Variants in SPAG9 observed in about 807,000 individuals in gnomAD.
SPAG9 encodes C-Jun-amino-terminal kinase-interacting protein 4.
A neutral mutation model predicts 166.5 loss-of-function variants in SPAG9; 35 were observed. The observed-to-expected ratio is 0.21, with a 90% CI of 0.16 to 0.28. The LOEUF (loss-of-function observed/expected upper bound fraction) is 0.28, where lower values mean the gene tolerates loss of function less well. Ranked by LOEUF, SPAG9 falls within the 10% of genes least tolerant of loss-of-function variation. The pLI, the probability that SPAG9 is intolerant of heterozygous loss-of-function variation, is 1.00. For synonymous variants in SPAG9, 534 were observed against 565.5 expected, an observed-to-expected ratio of 0.94 and a Z score of 0.79; for missense variants, 1,235 against 1,603.3, an observed-to-expected ratio of 0.77 and a Z score of 3.92.
At chr17:51,030,278 A>T (rs2046335672) in intron 6 of SPAG9, among the ~76,000 whole-genome samples, 1 of 152,134 alleles carries the variant, frequency 6.6e-6, no homozygotes, top group Non-Finnish European at 1.5e-5. Context: ...CAACTTACAG[A>T]CACTACATGC....
intron 3 of SPAG9, among the ~76,000 whole-genome samples, chr17:51,048,340 A>T (rs1030824149): frequency 2.1e-4 from 32 of 152,216 alleles, no homozygotes; most frequent in Admixed American, 1.9e-3. Context: ...TGAATAAGAA[A>T]AAAATGAATT....
At chr17:51,018,697 T>C (rs1024493566) in intron 8 of SPAG9, among the ~76,000 whole-genome samples, 1 of 152,058 alleles carries the variant, frequency 6.6e-6, no homozygotes, top group Non-Finnish European at 1.5e-5. Context: ...AATGCAATCT[T>C]GTGAGTAACA....
At chr17:51,076,244 G>A (rs1190442260) in intron 2 of SPAG9, among the ~76,000 whole-genome samples, 2 of 150,044 alleles carry the variant, frequency 1.3e-5, no homozygotes, top group African/African-American at 2.5e-5. Flanking sequence ...GCAACATGGC[G>A]AAACCCTGTC....
At chr17:51,111,423 G>A (rs1430419449) in intron 1 of SPAG9, among the ~76,000 whole-genome samples, 2 of 152,150 alleles carry the variant, frequency 1.3e-5, no homozygotes, top group Non-Finnish European at 2.9e-5. Flanking sequence ...GCAGCATGTA[G>A]TTAAAGGTAA....
intron 6 of SPAG9, among the ~76,000 whole-genome samples, chr17:51,023,964 C>A (rs569030889): frequency 6.6e-6 from 1 of 152,196 alleles, no homozygotes; most frequent in African/African-American, 2.4e-5. Context: ...TTGCGCCCAG[C>A]CGATTTTTCT....
intron 29 of SPAG9, among the ~76,000 whole-genome samples, chr17:50,967,406 C>T (rs1973442412): frequency 1.3e-5 from 2 of 152,072 alleles, no homozygotes; most frequent in South Asian, 4.1e-4. Context: ...AGAGAAAAAA[C>T]CCTAAATATC....
At chr17:51,087,926 G>A (rs1355725585) in intron 1 of SPAG9, among the ~76,000 whole-genome samples, 2 of 151,828 alleles carry the variant, frequency 1.3e-5, no homozygotes, top group Non-Finnish European at 2.9e-5. Context: ...CTTATTTTTA[G>A]TAGAGACAAG....
intron 16 of SPAG9, 147 bp downstream of exon 16, chr17:50,996,418 C>G (rs1025139490): frequency 7.0e-6 from 6 of 859,032 alleles, no homozygotes; most frequent in Non-Finnish European, 1.1e-5. Context: ...GCCTGAAAAC[C>G]ACCACCCTCC....
At position 51,026,971 on chromosome 17, in the gene SPAG9, C is replaced by A. The variant is rs936494277; in HGVS notation, c.783+4710G>T. On this transcript the variant is annotated intron_variant, in intron 6 of 29. Transcript: ENST00000262013. ...GTTTAGAGATGTGAGCCACTGCGCC[C>A]GGCCGGGAAACCATTTTTGAAAGAG... is the stretch of plus-strand genomic sequence containing the variant. Among the ~76,000 whole-genome samples, 3 of 152,050 alleles carry A rather than the reference C, an allele frequency of 2.0e-5. No individual in the cohort carries two copies. The South Asian group carries it at 6.2e-4, about 32-fold the overall frequency.
At chr17:51,112,764 A>AACAT (rs2049155636) in intron 1 of SPAG9, among the ~76,000 whole-genome samples, 1 of 150,756 alleles carries the variant, frequency 6.6e-6, no homozygotes, top group Non-Finnish European at 1.5e-5. Context: ...CAGACTGGGC[A>AACAT]ACATAGTGAG....
chr17:51,037,285 G>A (rs1257794850), intron 5 of SPAG9, among the ~76,000 whole-genome samples: 3 of 151,904 alleles, frequency 2.0e-5, no homozygotes, highest in Non-Finnish European at 4.4e-5. Context: ...TAAATATTTT[G>A]TAGAGACAGA....
At chr17:51,106,997 A>G (rs2048969386) in intron 1 of SPAG9, among the ~76,000 whole-genome samples, 1 of 147,500 alleles carries the variant, frequency 6.8e-6, no homozygotes, top group South Asian at 2.2e-4. Context: ...AGCTACTTGG[A>G]AGGCTGAGGC....
chr17:51,080,226 T>C (rs1271374583), intron 1 of SPAG9, among the ~76,000 whole-genome samples: 1 of 152,098 alleles, frequency 6.6e-6, no homozygotes, highest in Non-Finnish European at 1.5e-5. Context: ...AGTGCAATCA[T>C]TAAATCTCAG....
At chr17:51,065,128 A>C (rs1568054996) in intron 2 of SPAG9, among the ~76,000 whole-genome samples, 1 of 152,154 alleles carries the variant, frequency 6.6e-6, no homozygotes, top group African/African-American at 2.4e-5. Context: ...CATCTCAAAA[A>C]ATATATATAT....
intron 9 of SPAG9, chr17:51,007,892 CA>C: frequency 2.3e-6 from 1 of 433,544 alleles, no homozygotes. Flanking sequence ...AAACAAAGAA[CA>C]AGAAATGTTT....
chr17:51,006,165 C>T lies in SPAG9; in HGVS notation c.1344G>A (p.Leu448=), dbSNP rs2045211001. 6.2e-7 allele frequency: 1 copy of T among 1,614,130 alleles called. No homozygotes were observed. The highest frequency in any genetic ancestry group is 1.1e-5 in the South Asian group (1 of 91,088). ...GCTTCACAGCCTCCAATTCCCCTTGCAGCACATCTTTCTCACAGGTCAGTT... is the reference window on the plus strand; with the variant it reads ...GCTTCACAGCCTCCAATTCCCCTTGTAGCACATCTTTCTCACAGGTCAGTT... ...VDELTCEKDV[L]QGELEAVKQA... The change falls in exon 11 of 30, where the codon CTG becomes CTA. Residue 448 remains leucine (L), a synonymous_variant. Coordinates refer to ENST00000262013, the MANE Select transcript of SPAG9 (RefSeq NM_001130528.3).
intron 3 of SPAG9, among the ~76,000 whole-genome samples, chr17:51,051,110 A>G (rs2047170777): frequency 6.6e-6 from 1 of 151,660 alleles, no homozygotes; most frequent in Admixed American, 6.6e-5. Context: ...CTAAAGGTGT[A>G]GTGTGTTTTT....
intron 27 of SPAG9, 120 bp from the exon 28 acceptor site, chr17:50,975,067 G>A: frequency 1.1e-6 from 1 of 880,340 alleles, no homozygotes; most frequent in Non-Finnish European, 1.7e-6. Flanking sequence ...GATAAAACAA[G>A]GATGGCAATG....
At chr17:51,016,585 T>C (rs1365105180) in intron 8 of SPAG9, among the ~76,000 whole-genome samples, 1 of 152,254 alleles carries the variant, frequency 6.6e-6, no homozygotes, top group Non-Finnish European at 1.5e-5. Context: ...CCCAAGGCTT[T>C]ATTAATTTCA....
Sources: gnomAD v4.1 joint callset for allele counts (sites outside exome capture counted in the v4.1 genomes callset) on GRCh38, gnomAD v4.1.1 for gene constraint, MANE v1.5 for transcripts, NCBI Gene and HGNC (gene_info 2026-07-23, HGNC 2026-07-21) for gene names.